The following FXYD6 variants were observed in gnomAD, a reference collection of about 807,000 sequenced individuals.
FXYD6 encodes the protein FXYD domain-containing ion transport regulator 6.
Under a neutral mutation model 16.7 loss-of-function variants are expected in FXYD6, and 7 were observed. The observed-to-expected ratio is 0.42, with a 90% confidence interval of 0.24 to 0.79. The LOEUF is 0.79. FXYD6 is among the 30% of genes least tolerant of loss of function. The pLI is 0.28. For missense variants in FXYD6, 111 were observed against 116.2 expected (o/e 0.95, Z 0.21); for synonymous variants, 49 against 43.0 (o/e 1.14, Z -0.54).
chr11:117,839,540 C>T (rs1464887004), intron 7 of FXYD6: 2 of 504,618 alleles, frequency 4.0e-6, no homozygotes, highest in Admixed American at 3.2e-5. Flanking sequence ...GGCCAGTGGG[C>T]TGTGTGGAAG....
At chr11:117,857,904 A>G (rs2056772234) in intron 1 of FXYD6, among the ~76,000 whole-genome samples, 1 of 152,108 alleles carries the variant, frequency 6.6e-6, no homozygotes, top group Admixed American at 6.5e-5. Context: ...CCTTACCATC[A>G]GTTCTCTATT....
intron 1 of FXYD6, among the ~76,000 whole-genome samples, chr11:117,844,631 A>T (rs2056432769): frequency 6.6e-6 from 1 of 152,022 alleles, no homozygotes; most frequent in Non-Finnish European, 1.5e-5. Context: ...AGGAGTTTGG[A>T]TTACAGGCAT....
chr11:117,838,726 T>C (rs1295725614), intron 7 of FXYD6: 1 of 191,998 alleles, frequency 5.2e-6, no homozygotes, highest in Non-Finnish European at 1.1e-5. Flanking sequence ...ACTTAGGTGA[T>C]CACTTGCCTT....
rs891007722 is a variant in FXYD6, at chr11:117,872,904, G to C, written c.-6+3688C>G. On this transcript the variant is annotated intron_variant, in intron 1 of 7. Coordinates refer to ENST00000526014, the MANE Select transcript of FXYD6 (RefSeq NM_022003.4). This position sits in a 1 kb window ranked among gnomAD's most constrained non-coding sequence, Gnocchi z 4.9. ...GACGGTGTCAGAGCACTGTGTTCCC[G>C]ACCGGCCCCTCTCGTTGCAACTCTC... Among the ~76,000 whole-genome samples the C allele has an allele frequency of 6.6e-6, 1 of 152,098 alleles. No homozygotes were observed. The highest frequency in any genetic ancestry group is 2.1e-4 in the South Asian group (1 of 4,824).
chr11:117,856,149 G>A (rs964488021), intron 1 of FXYD6, among the ~76,000 whole-genome samples: 2 of 152,016 alleles, frequency 1.3e-5, no homozygotes, highest in Non-Finnish European at 2.9e-5. Flanking sequence ...GAGTTTCTCC[G>A]GCAATTATCT....
Position 117,849,948 on chromosome 11 carries a change from G to A in FXYD6, c.-5-7167C>T, listed in dbSNP as rs77061455. 3.7e-3 allele frequency among the ~76,000 whole-genome samples: 559 copies of A among 152,272 alleles called. 3 individuals carry two copies. Among genetic ancestry groups the A allele is most frequent in the African/African-American group, 0.013 (535 of 41,550 alleles). ...ACTGGGCATGTGCAAGTGCTCCGAA[G>A]GGTAGCCTTTGACATCAGAGGGCTA... On this transcript the variant is annotated intron_variant, in intron 1 of 7. Coordinates refer to ENST00000526014, the MANE Select transcript of FXYD6 (RefSeq NM_022003.4).
At chr11:117,849,081 A>T (rs1252029046) in intron 1 of FXYD6, among the ~76,000 whole-genome samples, 1 of 152,178 alleles carries the variant, frequency 6.6e-6, no homozygotes. Flanking sequence ...CAATATAAGC[A>T]TTTAAGACTG....
intron 1 of FXYD6, 68 bp downstream of exon 1, chr11:117,876,524 G>C (rs566191259): frequency 6.6e-6 from 1 of 152,478 alleles, no homozygotes; most frequent in Non-Finnish European, 1.5e-5. Flanking sequence ...TCCAGAGATC[G>C]GTCCCCACCG....
chr11:117,845,183 A>G (rs1241133565), intron 1 of FXYD6, among the ~76,000 whole-genome samples: 1 of 152,236 alleles, frequency 6.6e-6, no homozygotes, highest in South Asian at 2.1e-4. Flanking sequence ...GAAACCATTC[A>G]TCTACTTTTT....
intron 6 of FXYD6, 116 bp from the exon 7 acceptor site, chr11:117,839,946 G>A: frequency 7.4e-7 from 1 of 1,352,258 alleles, no homozygotes; most frequent in Non-Finnish European, 1.0e-6. Flanking sequence ...GACGGGCATG[G>A]GATTTCGAGT....
chr11:117,842,385 A>G (rs754478944), intron 2 of FXYD6: 31 of 554,930 alleles, frequency 5.6e-5, no homozygotes, highest in Non-Finnish European at 9.0e-5. Flanking sequence ...GCACGAGGCC[A>G]GCACTTGCTA....
At chr11:117,842,828 C>CA (rs1465057724) in intron 1 of FXYD6, 47 bp from the exon 2 acceptor site, 2 of 1,544,906 alleles carry the variant, frequency 1.3e-6, no homozygotes, top group Non-Finnish European at 1.8e-6. Context: ...AAGAAGCCTC[C>CA]ATCCGTCAGC....
chr11:117,837,771 G>A lies in FXYD6; in HGVS notation c.*528C>T, dbSNP rs1190577506. 5 of 180,586 alleles carry A rather than the reference G, an allele frequency of 2.8e-5. No individual in the cohort carries two copies. The highest frequency in any genetic ancestry group is 2.7e-4 in the Admixed American group (5 of 18,426). 11.2% of individuals were successfully genotyped at this position (180,586 alleles called of 1,614,324 possible). The stretch of plus-strand genomic sequence containing the variant: ...GGAGTCCATGAAGAATGATGACAAA[G>A]TGCTGCAAACCTTCCCAGGTCCCAA... On this transcript the variant is annotated 3_prime_UTR_variant, in exon 8 of 8. Transcript: ENST00000526014. This position sits in a 1 kb window ranked among gnomAD's most constrained non-coding sequence, Gnocchi z 4.4.
chr11:117,852,568 T>C (rs914586149), intron 1 of FXYD6, among the ~76,000 whole-genome samples: 2 of 152,236 alleles, frequency 1.3e-5, no homozygotes, highest in Non-Finnish European at 2.9e-5. Flanking sequence ...TTCTTCTTTT[T>C]GTGTTTGCTG....
intron 1 of FXYD6, among the ~76,000 whole-genome samples, chr11:117,847,380 ATTCTTT>A (rs1207125589): frequency 3.3e-5 from 5 of 150,922 alleles, no homozygotes; most frequent in Non-Finnish European, 7.4e-5. Flanking sequence ...TTATTTTATT[ATTCTTT>A]AAGTTTTAGG....
At chr11:117,874,843 G>C (rs561016199) in intron 1 of FXYD6, among the ~76,000 whole-genome samples, 1 of 152,366 alleles carries the variant, frequency 6.6e-6, no homozygotes, top group East Asian at 1.9e-4. Context: ...TTGAGGAGGA[G>C]GGAAAAGGGC....
At chr11:117,873,170 T>C (rs1487415242) in intron 1 of FXYD6, among the ~76,000 whole-genome samples, 1 of 152,106 alleles carries the variant, frequency 6.6e-6, no homozygotes, top group Non-Finnish European at 1.5e-5. Flanking sequence ...TCTGCCACAC[T>C]GGGTGAAAAG....
At chr11:117,868,691 T>G (rs1271003018) in intron 1 of FXYD6, among the ~76,000 whole-genome samples, 1 of 152,216 alleles carries the variant, frequency 6.6e-6, no homozygotes, top group Non-Finnish European at 1.5e-5. Flanking sequence ...TCATTAATTG[T>G]AACAAATGTA....
At chr11:117,858,730 T>TCTC (rs2056826060) in intron 1 of FXYD6, among the ~76,000 whole-genome samples, 1 of 61,070 alleles carries the variant, frequency 1.6e-5, no homozygotes, top group African/African-American at 6.5e-5. Context: ...CTTCCCTTCC[T>TCTC]TCCTTCCTTC....
Sources: allele counts gnomAD v4.1 joint callset (sites outside exome capture counted in the v4.1 genomes callset), GRCh38; gene constraint gnomAD v4.1.1; non-coding constraint Gnocchi (gnomAD v3.1); transcripts MANE v1.5; gene names NCBI Gene and HGNC (gene_info 2026-07-23, HGNC 2026-07-21).